The following SNX13 variants were observed in gnomAD, a reference collection of about 807,000 sequenced individuals.
SNX13 encodes the protein sorting nexin-13.
Under a neutral mutation model 133.6 loss-of-function variants are expected in SNX13, and 45 were observed. The ratio of observed to expected loss-of-function variants is 0.34; its 90% CI spans 0.27 to 0.43. The LOEUF is 0.43. SNX13 is among the 20% of genes least tolerant of loss of function. SNX13 has a pLI of 1.00. For missense variants in SNX13, 1,032 were observed against 1,145.1 expected, an observed-to-expected ratio of 0.90 and a Z score of 1.43; for synonymous variants, 414 against 373.9, an observed-to-expected ratio of 1.11 and a Z score of -1.24.
intron 1 of SNX13, among the ~76,000 whole-genome samples, chr7:17,936,271 TAAC>T (rs1802012130): frequency 1.3e-5 from 2 of 152,218 alleles, no homozygotes; most frequent in Non-Finnish European, 2.9e-5. Flanking sequence ...ACCTTTTACT[TAAC>T]AACTATTAAC....
rs758957352 is a variant in SNX13 at position 17,875,585 on chromosome 7, A to C, written c.563-4T>G. 3 of 1,609,748 alleles carry C rather than the reference A, an allele frequency of 1.9e-6. No individual in the cohort carries two copies. Among genetic ancestry groups the C allele is most frequent in the East Asian group, 2.2e-5 (1 of 44,794 alleles). The stretch of plus-strand genomic sequence containing the variant: ...TCTACAAGATCTTCTGCTGTACCTA[A>C]AGAAAAACAATTCAAGATATATAAA... On this transcript the variant is annotated splice_region_variant and splice_polypyrimidine_tract_variant and intron_variant, in intron 6 of 25. Transcript: ENST00000428135.
At chr7:17,927,331 C>T (rs1032157612) in intron 1 of SNX13, among the ~76,000 whole-genome samples, 3 of 151,960 alleles carry the variant, frequency 2.0e-5, no homozygotes, top group African/African-American at 7.2e-5. Flanking sequence ...CAGCCTCCAA[C>T]ACCTGGACTC....
chr7:17,866,130 A>T lies in SNX13; in HGVS notation c.837+2277T>A, dbSNP rs1793368013. Among the ~76,000 whole-genome samples the T allele has an allele frequency of 2.0e-5, 3 of 152,200 alleles. No homozygotes were observed. The South Asian group carries it at 6.2e-4, about 31-fold the overall frequency. ...AAAAGCATAGGGAACCAAAGCAAAA[A>T]TGTACAAATGAGATCACATCAAGCT... On this transcript the variant is annotated intron_variant, in intron 9 of 25. Coordinates refer to ENST00000428135, the MANE Select transcript of SNX13 (RefSeq NM_015132.5).
At chr7:17,840,116 T>C in intron 12 of SNX13, 116 bp from the exon 13 acceptor site, 1 of 775,558 alleles carries the variant, frequency 1.3e-6, no homozygotes. Flanking sequence ...ACTCCACATT[T>C]TGAAAATGTT....
intron 20 of SNX13, among the ~76,000 whole-genome samples, chr7:17,808,369 A>G (rs181626317): frequency 9.8e-5 from 15 of 152,348 alleles, no homozygotes; most frequent in African/African-American, 3.6e-4. Context: ...TTGAAGATCA[A>G]CTTAATGAAA....
chr7:17,898,075 A>AT (rs1449441309), intron 1 of SNX13: 5 of 152,178 alleles, frequency 3.3e-5, no homozygotes, highest in Middle Eastern at 6.8e-3. Flanking sequence ...GTATCCATAC[A>AT]TTAAAAAAAA....
intron 1 of SNX13, among the ~76,000 whole-genome samples, chr7:17,910,820 T>C (rs1453788802): frequency 6.6e-6 from 1 of 152,204 alleles, no homozygotes; most frequent in Non-Finnish European, 1.5e-5. Context: ...TGTGATTTCA[T>C]TTATATAAAA....
chr7:17,809,233 T>C (rs572884592), intron 20 of SNX13, among the ~76,000 whole-genome samples: 3 of 114,508 alleles, frequency 2.6e-5, no homozygotes, highest in East Asian at 2.8e-4. Context: ...AAGACACACA[T>C]AGGCTCAAAA....
chr7:17,849,770 C>G (rs1212227727), intron 11 of SNX13, among the ~76,000 whole-genome samples: 1 of 152,160 alleles, frequency 6.6e-6, no homozygotes, highest in Admixed American at 6.5e-5. Context: ...ATAGATACTT[C>G]AAAGGCAAAC....
chr7:17,845,525 G>C (rs1790411943), intron 12 of SNX13, 70 bp downstream of exon 12: 5 of 941,976 alleles, frequency 5.3e-6, no homozygotes. Flanking sequence ...AATTTTATGT[G>C]TATTTTACAA....
At chr7:17,807,062 T>A (rs1403143245) in intron 20 of SNX13, among the ~76,000 whole-genome samples, 2 of 150,976 alleles carry the variant, frequency 1.3e-5, no homozygotes, top group African/African-American at 2.4e-5. Flanking sequence ...GCTGCAGGAG[T>A]TTTTTTCATA....
At chr7:17,806,564 A>G (rs551149153) in intron 20 of SNX13, among the ~76,000 whole-genome samples, 4 of 152,312 alleles carry the variant, frequency 2.6e-5, no homozygotes, top group African/African-American at 7.2e-5. Context: ...GTTATCACCA[A>G]TATGGTTTAT....
chr7:17,838,939 T>C lies in SNX13; in HGVS notation c.1359+868A>G, dbSNP rs1193459130. 6.6e-5 allele frequency among the ~76,000 whole-genome samples: 10 copies of C among 150,978 alleles called. No individual in the cohort carries two copies. The East Asian group carries it at 1.9e-3, about 29-fold the overall frequency. Reference sequence around the variant, plus strand: ...TTAGGGGAAATAGTCTATAGAATAATATACATATATGTATTACAGTATTAC... The same window carrying C: ...TTAGGGGAAATAGTCTATAGAATAACATACATATATGTATTACAGTATTAC... On this transcript the variant is annotated intron_variant, in intron 13 of 25. Transcript: ENST00000428135.
chr7:17,807,028 GC>G (rs1051256448), intron 20 of SNX13, among the ~76,000 whole-genome samples: 3 of 152,166 alleles, frequency 2.0e-5, no homozygotes, highest in Admixed American at 6.5e-5. Context: ...AAACTGGGCG[GC>G]CGTTTGGACA....
At chr7:17,939,743 C>G (rs542933929) in intron 1 of SNX13, among the ~76,000 whole-genome samples, 9 of 152,262 alleles carry the variant, frequency 5.9e-5, no homozygotes, top group Middle Eastern at 6.8e-3. Context: ...GGGGATGACC[C>G]AACTGAGCCA....
rs562121852 is a variant in SNX13, at chr7:17,900,914, C to T, written c.13-3468G>A. ...CATAGTTACCACAACTGGAAATGTA[C>T]TAGGTCACATCTAAAGCCAGCATGT... On this transcript the variant is annotated intron_variant, in intron 1 of 25. Coordinates refer to ENST00000428135, the MANE Select transcript of SNX13 (RefSeq NM_015132.5). 3.3e-5 allele frequency among the ~76,000 whole-genome samples: 5 copies of T among 152,200 alleles called. No individual in the cohort carries two copies. In the South Asian group the frequency reaches 6.2e-4, roughly 19 times the overall value.
chr7:17,834,861 G>A lies in SNX13; in HGVS notation c.1364C>T (p.Ser455Phe), dbSNP rs1170736128. ...ATAGTCATCAACAGTAACTCTTGGA[G>A]ATGCCTAACAGAGAAAAATAATAGT... is the stretch of plus-strand genomic sequence containing the variant. The part of the protein sequence containing the change: ...IYEQYLSEKA[S>F]PRVTVDDYLV... The change falls in exon 14 of 26, where the codon TCT becomes TTT. Residue 455 changes from serine (S) to phenylalanine (F), a missense_variant. Transcript: ENST00000428135. The A allele has an allele frequency of 6.3e-7, 1 of 1,588,012 alleles. No individual in the cohort carries two copies. The highest frequency in any genetic ancestry group is 8.6e-7 in the Non-Finnish European group (1 of 1,159,376).
At chr7:17,884,690 T>C (rs368746595) in intron 5 of SNX13, among the ~76,000 whole-genome samples, 2 of 152,268 alleles carry the variant, frequency 1.3e-5, no homozygotes. Context: ...AAAAGTATGA[T>C]TGAAAACAAA....
At chr7:17,813,301 G>A (rs1448801408) in intron 20 of SNX13, among the ~76,000 whole-genome samples, 1 of 151,958 alleles carries the variant, frequency 6.6e-6, no homozygotes, top group East Asian at 1.9e-4. Context: ...TAAAAAACAT[G>A]GAACACTAAA....
Sources: gnomAD v4.1 joint callset for allele counts (sites outside exome capture counted in the v4.1 genomes callset) on GRCh38, gnomAD v4.1.1 for gene constraint, MANE v1.5 for transcripts, NCBI Gene and HGNC (gene_info 2026-07-23, HGNC 2026-07-21) for gene names.